The following ZBTB10 variants were observed in gnomAD, a reference collection of about 807,000 sequenced individuals.
The protein encoded by ZBTB10 is zinc finger and BTB domain containing 10.
In ZBTB10, 32 loss-of-function variants were observed where a neutral mutation model predicts 76.4. The observed-to-expected ratio is 0.42, with a 90% CI of 0.32 to 0.56. ZBTB10 has a LOEUF of 0.56. ZBTB10 is among the 20% of genes least tolerant of loss of function. The pLI is 0.14. For synonymous variants in ZBTB10, 523 were observed against 432.9 expected (o/e 1.21, Z -2.58); for missense variants, 1,057 against 1,098.5 (o/e 0.96, Z 0.53).
At chr8:80,492,267 CTG>C (rs1389211404) in intron 1 of ZBTB10, among the ~76,000 whole-genome samples, 1 of 152,206 alleles carries the variant, frequency 6.6e-6, no homozygotes, top group Non-Finnish European at 1.5e-5. Context: ...CAGTGTCTGA[CTG>C]TATACCTTAT....
chr8:80,518,950 C>G lies in ZBTB10; in HGVS notation c.2306C>G (p.Ser769Cys). 2 of 1,592,984 alleles carry G rather than the reference C, an allele frequency of 1.3e-6. No individual in the cohort carries two copies. The highest frequency in any genetic ancestry group is 8.6e-7 in the Non-Finnish European group (1 of 1,168,792). The change falls in exon 5 of 6, where the codon TCC becomes TGC. Residue 769 changes from serine (S) to cysteine (C), a missense_variant. Transcript: ENST00000455036. The stretch of plus-strand genomic sequence containing the variant: ...CGAAGAGAACATGTAAAAAGACATT[C>G]CCTGGTAAGTAACTTTAAATACAGC... ...FTRREHVKRHSLVHKKDKKYK... is the reference protein window; with the variant it reads ...FTRREHVKRHCLVHKKDKKYK...
chr8:80,513,621 T>C (rs970212041), intron 2 of ZBTB10, among the ~76,000 whole-genome samples: 6 of 152,230 alleles, frequency 3.9e-5, no homozygotes, highest in Admixed American at 1.3e-4. Flanking sequence ...ATCTACGATA[T>C]AGGTGGATGT....
chr8:80,502,125 A>C (rs933856601), intron 2 of ZBTB10, among the ~76,000 whole-genome samples: 1 of 152,252 alleles, frequency 6.6e-6, no homozygotes, highest in Non-Finnish European at 1.5e-5. Flanking sequence ...ATACTTTCAA[A>C]GATGACATTA....
chr8:80,499,217 T>C (rs1025484364), intron 1 of ZBTB10, among the ~76,000 whole-genome samples: 1 of 152,188 alleles, frequency 6.6e-6, no homozygotes, highest in Non-Finnish European at 1.5e-5. Context: ...TAAGAAATTC[T>C]CAATTCATGT....
At position 80,490,476 on chromosome 8, in the gene ZBTB10, A is replaced by G. The variant is rs186886175; in HGVS notation, c.972+2694A>G. Among the ~76,000 whole-genome samples the G allele has an allele frequency of 3.0e-3, 450 of 152,168 alleles. 2 individuals are homozygous for G. Among genetic ancestry groups the G allele is most frequent in the African/African-American group, 0.01 (421 of 41,520 alleles). ...GGTCTCAACCTTTTGGGCTCAAGCA[A>G]TTCTCCCACCTTGACCTCCCCAAAA... On this transcript the variant is annotated intron_variant, in intron 1 of 5. Coordinates refer to ENST00000455036, the MANE Select transcript of ZBTB10 (RefSeq NM_001105539.3).
In ZBTB10 at chr8:80,519,647, G is replaced by A. The variant is rs1343767840; in HGVS notation, c.*119G>A. Reference sequence around the variant, plus strand: ...CATGCTGGATAGTAGTTATGTTGCTGTGAAAACTGTAGGGTCAAAGCCTTA... The same window carrying A: ...CATGCTGGATAGTAGTTATGTTGCTATGAAAACTGTAGGGTCAAAGCCTTA... On this transcript the variant is annotated 3_prime_UTR_variant, in exon 6 of 6. Transcript: ENST00000455036. The A allele has an allele frequency of 1.7e-6, 2 of 1,200,452 alleles. No individual in the cohort carries two copies. Among genetic ancestry groups the A allele is most frequent in the African/African-American group, 1.5e-5 (1 of 64,962 alleles). The allele number at this position is 1,200,452 out of a possible 1,614,324, so 74.4% of individuals were successfully genotyped here. A position where few individuals can be genotyped will look rare whatever the true frequency, so the allele number is the denominator to read the frequency against.
chr8:80,503,540 C>CA (rs1284576670), intron 2 of ZBTB10, among the ~76,000 whole-genome samples: 3 of 151,252 alleles, frequency 2.0e-5, no homozygotes, highest in African/African-American at 4.8e-5. Context: ...TTTTGAGAGA[C>CA]AGAGTCTCCC....
chr8:80,502,152 A>G (rs1815940571), intron 2 of ZBTB10, among the ~76,000 whole-genome samples: 1 of 152,238 alleles, frequency 6.6e-6, no homozygotes, highest in Middle Eastern at 3.2e-3. Context: ...ATTTTTATCA[A>G]GTATCTCCTA....
chr8:80,489,071 C>G (rs1400851441), intron 1 of ZBTB10, among the ~76,000 whole-genome samples: 1 of 135,960 alleles, frequency 7.4e-6, no homozygotes, highest in Non-Finnish European at 1.5e-5. Context: ...TTTAAAGATA[C>G]AAGGCCGAGA....
chr8:80,510,646 GTGTGTGTGTGTGT>G (rs1816166536), intron 2 of ZBTB10, among the ~76,000 whole-genome samples: 1 of 145,256 alleles, frequency 6.9e-6, no homozygotes, highest in Non-Finnish European at 1.5e-5. Flanking sequence ...ACCAGTGTGT[GTGTGTGTGTGTGT>G]GTGTGTGTGT....
At chr8:80,489,983 TTAACATGAG>T (rs1208404185) in intron 1 of ZBTB10, among the ~76,000 whole-genome samples, 10 of 152,230 alleles carry the variant, frequency 6.6e-5, no homozygotes, top group South Asian at 2.1e-4. Context: ...CCTGTTTGTC[TTAACATGAG>T]TAACATGAGT....
chr8:80,510,642 GT>G (rs1816165227), intron 2 of ZBTB10, among the ~76,000 whole-genome samples: 1 of 39,576 alleles, frequency 2.5e-5, no homozygotes, highest in Non-Finnish European at 6.6e-5. Context: ...TGAAACCAGT[GT>G]GTGTGTGTGT....
chr8:80,497,584 TTGTG>T (rs1815817953), intron 1 of ZBTB10, among the ~76,000 whole-genome samples: 2 of 152,004 alleles, frequency 1.3e-5, no homozygotes, highest in South Asian at 4.2e-4. Context: ...TTTCTCTACT[TTGTG>T]TGCTTCATTC....
intron 2 of ZBTB10, among the ~76,000 whole-genome samples, chr8:80,507,319 GA>G (rs1304554848): frequency 6.6e-5 from 8 of 121,712 alleles, no homozygotes; most frequent in East Asian, 5.5e-4. Flanking sequence ...AAGAAGAAAA[GA>G]AAAAAAAAAC....
Position 80,519,625 on chromosome 8 carries a change from G to T in ZBTB10, c.*97G>T. 7.6e-7 allele frequency: 1 copy of T among 1,316,626 alleles called. No homozygotes were observed. Among genetic ancestry groups the T allele is most frequent in the Non-Finnish European group, 1.0e-6 (1 of 973,770 alleles). 81.6% of individuals were successfully genotyped at this position (1,316,626 alleles called of 1,614,324 possible). On this transcript the variant is annotated 3_prime_UTR_variant, in exon 6 of 6. Transcript: ENST00000455036. ...TGAAGGCTTGCAAAATATGGTACAT[G>T]CTGGATAGTAGTTATGTTGCTGTGA...
chr8:80,490,536 C>A (rs546085923), intron 1 of ZBTB10, among the ~76,000 whole-genome samples: 1 of 152,282 alleles, frequency 6.6e-6, no homozygotes, highest in South Asian at 2.1e-4. Flanking sequence ...CTGAGCCTGG[C>A]CGTTATTACT....
intron 1 of ZBTB10, among the ~76,000 whole-genome samples, chr8:80,488,617 A>G (rs1234240179): frequency 6.6e-6 from 1 of 152,224 alleles, no homozygotes; most frequent in African/African-American, 2.4e-5. Flanking sequence ...AACACCGTGA[A>G]AGTGCTTACA....
intron 2 of ZBTB10, among the ~76,000 whole-genome samples, chr8:80,507,424 AAC>A (rs1816087862): frequency 6.6e-6 from 1 of 152,044 alleles, no homozygotes. Flanking sequence ...CATCCTGGCT[AAC>A]ACAGTGAAAC....
intron 2 of ZBTB10, among the ~76,000 whole-genome samples, chr8:80,508,170 G>A (rs984420287): frequency 6.6e-6 from 1 of 152,196 alleles, no homozygotes; most frequent in African/African-American, 2.4e-5. Context: ...AGCTGAAGAA[G>A]TCTTATGTGG....
Sources: allele counts gnomAD v4.1 joint callset (sites outside exome capture counted in the v4.1 genomes callset), GRCh38; gene constraint gnomAD v4.1.1; transcripts MANE v1.5; gene names NCBI Gene and HGNC (gene_info 2026-07-23, HGNC 2026-07-21).